The following SWT1 variants were observed in gnomAD, a reference collection of about 807,000 sequenced individuals.
The protein encoded by SWT1 is transcriptional protein SWT1.
Under a neutral mutation model 107.3 loss-of-function variants are expected in SWT1, and 33 were observed. That is an observed-to-expected ratio of 0.31 (90% CI 0.23 to 0.41). SWT1 has a LOEUF of 0.41. Ranked by LOEUF, SWT1 falls within the 10% of genes least tolerant of loss-of-function variation. The pLI, the probability that SWT1 is intolerant of heterozygous loss-of-function variation, is 1.00. For synonymous variants in SWT1, 345 were observed against 348.3 expected (o/e 0.99, Z 0.11); for missense variants, 898 against 1,028.9 (o/e 0.87, Z 1.74).
intron 16 of SWT1, among the ~76,000 whole-genome samples, chr1:185,270,236 A>G (rs1663756374): frequency 6.6e-6 from 1 of 152,000 alleles, no homozygotes; most frequent in Non-Finnish European, 1.5e-5. Flanking sequence ...TGAGGCAGAC[A>G]GTACTCAGAG....
chr1:185,264,239 A>G (rs1663227708), intron 16 of SWT1: 1 of 443,156 alleles, frequency 2.3e-6, no homozygotes, highest in Admixed American at 6.4e-5. Flanking sequence ...TGAAAAGTGT[A>G]GTTAAGTATA....
At chr1:185,229,517 G>T (rs974289998) in intron 15 of SWT1, among the ~76,000 whole-genome samples, 2 of 151,640 alleles carry the variant, frequency 1.3e-5, no homozygotes, top group African/African-American at 4.8e-5. Context: ...TATAATGGAA[G>T]TTTTTGGAAT....
chr1:185,204,027 T>C (rs1230792942), intron 11 of SWT1, among the ~76,000 whole-genome samples: 1 of 152,188 alleles, frequency 6.6e-6, no homozygotes, highest in Non-Finnish European at 1.5e-5. Flanking sequence ...TGTTTTCAAG[T>C]ATCTAAAAAG....
chr1:185,186,046 G>A (rs1395062386), intron 9 of SWT1, among the ~76,000 whole-genome samples: 6 of 152,010 alleles, frequency 3.9e-5, no homozygotes, highest in Admixed American at 6.6e-5. Context: ...AGCATAACCC[G>A]GGGGAAGTTA....
chr1:185,187,423 C>G (rs1043682842), intron 9 of SWT1, among the ~76,000 whole-genome samples: 1 of 152,024 alleles, frequency 6.6e-6, no homozygotes. Context: ...TGCCACTCCC[C>G]CAATCAGACA....
At chr1:185,261,451 C>G (rs1351359905) in intron 16 of SWT1, among the ~76,000 whole-genome samples, 1 of 152,118 alleles carries the variant, frequency 6.6e-6, no homozygotes, top group East Asian at 1.9e-4. Context: ...GTGAATAATG[C>G]TGCTATGAAC....
At chr1:185,252,049 G>A (rs1662076143) in intron 16 of SWT1, among the ~76,000 whole-genome samples, 1 of 151,880 alleles carries the variant, frequency 6.6e-6, no homozygotes, top group African/African-American at 2.4e-5. Context: ...GCGGTGTTTG[G>A]TTTTTTGTTC....
intron 13 of SWT1, among the ~76,000 whole-genome samples, chr1:185,208,594 A>C (rs1254793544): frequency 6.6e-6 from 1 of 152,184 alleles, no homozygotes; most frequent in Non-Finnish European, 1.5e-5. Context: ...ACATATGTCA[A>C]AACATCACAT....
At chr1:185,242,136 C>A (rs1183781197) in intron 16 of SWT1, among the ~76,000 whole-genome samples, 2 of 152,052 alleles carry the variant, frequency 1.3e-5, no homozygotes, top group Non-Finnish European at 2.9e-5. Context: ...ATATTATAGA[C>A]ACATATAAGG....
Position 185,289,596 on chromosome 1 carries a change from C to G in SWT1, c.2574-1078C>G, listed in dbSNP as rs531552437. 8.5e-5 allele frequency among the ~76,000 whole-genome samples: 13 copies of G among 152,218 alleles called. No homozygotes were observed. In the South Asian group the frequency reaches 2.5e-3, roughly 29 times the overall value. Reference sequence around the variant, plus strand: ...AGCACCATTTACAATAGCCAAGATACAGAATCAACCTAAATGTCTATCAGT... The same window carrying G: ...AGCACCATTTACAATAGCCAAGATAGAGAATCAACCTAAATGTCTATCAGT... On this transcript the variant is annotated intron_variant, in intron 18 of 18. Transcript: ENST00000367500.
chr1:185,204,703 CAACACCCTTGA>C lies in SWT1; in HGVS notation c.1676_1686del (p.Thr559ArgfsTer4). 1 of 1,561,692 alleles carries C rather than the reference CAACACCCTTGA, an allele frequency of 6.4e-7. No homozygotes were observed. Among genetic ancestry groups the C allele is most frequent in the Non-Finnish European group, 8.6e-7 (1 of 1,158,868 alleles). On this transcript the variant is annotated frameshift_variant, in exon 12 of 19. Transcript: ENST00000367500. LOFTEE classifies it high-confidence loss of function. ...TCTGTAACTATTTGTTTTAAAGAAA[CAACACCCTTGA>C]AAGAGAGCTATAAGGAGGAATCTAC...
chr1:185,211,950 G>A (rs988982893), intron 13 of SWT1, among the ~76,000 whole-genome samples: 4 of 151,814 alleles, frequency 2.6e-5, no homozygotes, highest in South Asian at 2.1e-4. Context: ...GCAAACTATC[G>A]CAAGGACAAA....
chr1:185,245,440 A>G (rs565171804), intron 16 of SWT1, among the ~76,000 whole-genome samples: 3 of 152,094 alleles, frequency 2.0e-5, no homozygotes, highest in Non-Finnish European at 4.4e-5. Flanking sequence ...ATACCTCTCA[A>G]AGAACCTACC....
intron 16 of SWT1, among the ~76,000 whole-genome samples, chr1:185,269,427 A>G (rs1314874762): frequency 2.7e-5 from 3 of 109,690 alleles, no homozygotes; most frequent in East Asian, 5.2e-4. Flanking sequence ...AACTTTTTCT[A>G]TGAAATAGTA....
intron 18 of SWT1, among the ~76,000 whole-genome samples, chr1:185,277,021 A>G (rs1214626446): frequency 6.6e-6 from 1 of 152,158 alleles, no homozygotes; most frequent in Non-Finnish European, 1.5e-5. Context: ...TTATTAATTC[A>G]TTTAAAAATA....
intron 16 of SWT1, among the ~76,000 whole-genome samples, chr1:185,261,279 T>C (rs1373585517): frequency 6.6e-6 from 1 of 152,202 alleles, no homozygotes; most frequent in African/African-American, 2.4e-5. Context: ...GTGACTGGCT[T>C]ATTACACTTA....
intron 16 of SWT1, among the ~76,000 whole-genome samples, chr1:185,232,487 C>CAA (rs1660572517): frequency 1.3e-5 from 2 of 152,088 alleles, no homozygotes; most frequent in Non-Finnish European, 2.9e-5. Context: ...AAGATATGAC[C>CAA]TCTGAATCCA....
chr1:185,291,439 G>A lies in SWT1; in HGVS notation c.*636G>A, dbSNP rs1356244535. The A allele has an allele frequency of 1.3e-5, 2 of 152,506 alleles. No individual in the cohort carries two copies. Among genetic ancestry groups the A allele is most frequent in the African/African-American group, 4.8e-5 (2 of 41,396 alleles). The allele number at this position is 152,506 out of a possible 1,614,324, so 9.4% of individuals were successfully genotyped here. ...CATTTCTAGTGGGGAAGAGCAGGGC[G>A]ACCCCTCTGCTGGGTTTCTCCTTAA... On this transcript the variant is annotated 3_prime_UTR_variant, in exon 19 of 19. Transcript: ENST00000367500.
At chr1:185,276,953 A>G (rs1043218948) in intron 18 of SWT1, among the ~76,000 whole-genome samples, 1 of 152,176 alleles carries the variant, frequency 6.6e-6, no homozygotes, top group Non-Finnish European at 1.5e-5. Flanking sequence ...TGTATGGGTC[A>G]TTATCTAGCT....
Sources: gnomAD v4.1 joint callset for allele counts (sites outside exome capture counted in the v4.1 genomes callset) on GRCh38, gnomAD v4.1.1 for gene constraint, MANE v1.5 for transcripts, NCBI Gene and HGNC (gene_info 2026-07-23, HGNC 2026-07-21) for gene names.